ASTN2: variants seen among roughly 807,000 people sequenced by gnomAD.
The protein encoded by ASTN2 is astrotactin-2.
Under a neutral mutation model 139.8 loss-of-function variants are expected in ASTN2, and 54 were observed. The ratio of observed to expected loss-of-function variants is 0.39; its 90% CI spans 0.31 to 0.48. The LOEUF (loss-of-function observed/expected upper bound fraction) is 0.48. Among genes scored for constraint, ASTN2 ranks in the 20% least tolerant of loss-of-function variants. The pLI, the probability that ASTN2 is intolerant of heterozygous loss-of-function variation, is 0.95. For missense variants in ASTN2, 1,565 were observed against 1,725.1 expected (o/e 0.91, Z 1.64); for synonymous variants, 756 against 719.5 (o/e 1.05, Z -0.81).
intron 19 of ASTN2, among the ~76,000 whole-genome samples, chr9:116,562,977 T>C (rs1459412675): frequency 6.6e-6 from 1 of 152,098 alleles, no homozygotes; most frequent in South Asian, 2.1e-4. Context: ...CTTGCCCTCA[T>C]GGAACTTGCA....
At chr9:116,629,437 G>C (rs1856627829) in intron 17 of ASTN2, among the ~76,000 whole-genome samples, 1 of 152,056 alleles carries the variant, frequency 6.6e-6, no homozygotes, top group Non-Finnish European at 1.5e-5. Context: ...AATTCTTACA[G>C]ATGAGCAAGT....
intron 1 of ASTN2, among the ~76,000 whole-genome samples, chr9:117,389,298 AG>A (rs1384235035): frequency 6.6e-6 from 1 of 152,178 alleles, no homozygotes; most frequent in East Asian, 1.9e-4. Context: ...AGGCATTTGA[AG>A]GAGATGGGAA....
At chr9:116,676,852 T>C (rs1859536484) in intron 16 of ASTN2, among the ~76,000 whole-genome samples, 1 of 152,222 alleles carries the variant, frequency 6.6e-6, no homozygotes, top group Non-Finnish European at 1.5e-5. Context: ...TTTCCCCCCA[T>C]GGTAGTTTCT....
At chr9:117,269,363 A>G (rs539361564) in intron 2 of ASTN2, among the ~76,000 whole-genome samples, 21 of 152,160 alleles carry the variant, frequency 1.4e-4, no homozygotes, top group Non-Finnish European at 3.1e-4. Context: ...CCCCCAATGC[A>G]TTTCCCCAAA....
chr9:117,353,875 C>G (rs566638981), intron 1 of ASTN2, among the ~76,000 whole-genome samples: 282 of 152,238 alleles, frequency 1.9e-3, no homozygotes, highest in Middle Eastern at 6.8e-3. Context: ...AGCAAAAAGA[C>G]CAGCGATAGC....
chr9:116,976,137 C>T lies in ASTN2; in HGVS notation c.1728G>A (p.Glu576=), dbSNP rs1299232361. Residue 576 remains glutamate, a synonymous_variant, in exon 9 of 23, where the codon GAG becomes GAA. Transcript: ENST00000313400. ...LERGYDLVTG[E]QAPEKILRST... ...ACCTGAGAATCTTTTCAGGGGCTTG[C>T]TCCCCTGTCACCAGATCATAGCCCC... The T allele has an allele frequency of 6.2e-7, 1 of 1,614,164 alleles. No individual in the cohort carries two copies. The highest frequency in any genetic ancestry group is 1.1e-5 in the South Asian group (1 of 91,078).
intron 2 of ASTN2, among the ~76,000 whole-genome samples, chr9:117,238,306 G>A (rs1179743121): frequency 6.6e-6 from 1 of 152,140 alleles, no homozygotes; most frequent in Non-Finnish European, 1.5e-5. Context: ...ACTCAATGGG[G>A]ATAGTGAGAT....
intron 19 of ASTN2, among the ~76,000 whole-genome samples, chr9:116,607,159 C>T (rs1055204216): frequency 1.3e-4 from 20 of 152,084 alleles, no homozygotes; most frequent in Admixed American, 6.5e-5. Flanking sequence ...TACAGAAGAC[C>T]CCATAAAACT....
intron 2 of ASTN2, among the ~76,000 whole-genome samples, chr9:117,241,931 C>CT (rs1833220939): frequency 6.7e-6 from 1 of 149,882 alleles, no homozygotes; most frequent in African/African-American, 2.5e-5. Context: ...GTTACCCCCC[C>CT]CCACACACAC....
intron 1 of ASTN2, among the ~76,000 whole-genome samples, chr9:117,314,942 TATAATATACAC>T (rs1240751680): frequency 7.7e-6 from 1 of 130,592 alleles, no homozygotes; most frequent in African/African-American, 2.5e-5. Context: ...TAATATGTAA[TATAATATACAC>T]ATAACATAAT....
At chr9:117,031,817 G>A (rs1588496230) in intron 6 of ASTN2, among the ~76,000 whole-genome samples, 3 of 152,080 alleles carry the variant, frequency 2.0e-5, no homozygotes, top group East Asian at 1.9e-4. Context: ...CTGGAAAGGC[G>A]GGCAGGGGCC....
At chr9:117,050,044 C>T (rs929971157) in intron 5 of ASTN2, among the ~76,000 whole-genome samples, 4 of 151,928 alleles carry the variant, frequency 2.6e-5, no homozygotes, top group East Asian at 1.9e-4. Context: ...GCTGACTTAC[C>T]CAAAATGTTA....
At chr9:116,621,436 T>C (rs1257127116) in intron 17 of ASTN2, among the ~76,000 whole-genome samples, 4 of 117,212 alleles carry the variant, frequency 3.4e-5, no homozygotes, top group Non-Finnish European at 5.2e-5. Context: ...CACACACACA[T>C]GCACGCACAC....
intron 1 of ASTN2, among the ~76,000 whole-genome samples, chr9:117,371,456 C>G (rs1015942779): frequency 1.3e-5 from 2 of 152,148 alleles, no homozygotes; most frequent in Non-Finnish European, 2.9e-5. Context: ...GTCCTTTCAC[C>G]TGCTGACAGC....
chr9:116,658,733 CTTTTTTTTT>C (rs71502074), intron 16 of ASTN2, among the ~76,000 whole-genome samples: 227 of 101,124 alleles, frequency 2.2e-3, no homozygotes, highest in Middle Eastern at 0.012. Context: ...GACCACCGCT[CTTTTTTTTT>C]TTTTTTTTTT....
intron 20 of ASTN2, among the ~76,000 whole-genome samples, chr9:116,456,101 C>T (rs1435181794): frequency 6.6e-6 from 1 of 151,762 alleles, no homozygotes. Context: ...ATGATATGAT[C>T]TTATATTTGA....
chr9:117,387,009 C>G (rs897672451), intron 1 of ASTN2, among the ~76,000 whole-genome samples: 1 of 152,138 alleles, frequency 6.6e-6, no homozygotes, highest in Non-Finnish European at 1.5e-5. Context: ...GGGAAGGTCC[C>G]TTGACCTCTC....
At chr9:116,644,226 G>T (rs1390334137) in intron 17 of ASTN2, among the ~76,000 whole-genome samples, 1 of 152,146 alleles carries the variant, frequency 6.6e-6, no homozygotes, top group East Asian at 1.9e-4. Context: ...GAGCCAAAAA[G>T]TGGAAATGAA....
chr9:116,864,145 G>A (rs961718230), intron 10 of ASTN2, among the ~76,000 whole-genome samples: 1 of 152,140 alleles, frequency 6.6e-6, no homozygotes, highest in Admixed American at 6.5e-5. Context: ...CTCTTAGCTT[G>A]CATCCTACCT....
Sources: gnomAD v4.1 joint callset for allele counts (sites outside exome capture counted in the v4.1 genomes callset) on GRCh38, gnomAD v4.1.1 for gene constraint, MANE v1.5 for transcripts, NCBI Gene and HGNC (gene_info 2026-07-23, HGNC 2026-07-21) for gene names.